Variants in MAP2K5 observed in about 807,000 individuals in gnomAD.
The protein encoded by MAP2K5 is mitogen-activated protein kinase kinase 5, also known as dual specificity mitogen-activated protein kinase kinase 5.
MAP2K5 carries 49 observed loss-of-function variants against 83.1 expected under a neutral mutation model. The ratio of observed to expected loss-of-function variants is 0.59; its 90% CI spans 0.47 to 0.75. The LOEUF (loss-of-function observed/expected upper bound fraction) is 0.75, where lower values mean the gene tolerates loss of function less well. Among genes scored for constraint, MAP2K5 ranks in the 30% least tolerant of loss-of-function variants. The probability of loss-of-function intolerance (pLI) is 0.00; values close to 1 mark genes in which losing one functional copy is unlikely to be tolerated. For missense variants in MAP2K5, 457 were observed against 557.5 expected (o/e 0.82, Z 1.82); for synonymous variants, 202 against 191.8 (o/e 1.05, Z -0.44).
At chr15:67,569,013 AAAAAAAC>A (rs995305345) in intron 3 of MAP2K5, among the ~76,000 whole-genome samples, 2 of 151,396 alleles carry the variant, frequency 1.3e-5, no homozygotes, top group African/African-American at 4.9e-5. Flanking sequence ...CTCAAAAAAA[AAAAAAAC>A]AAAAAAAAAA....
In MAP2K5 at chr15:67,580,739, A is replaced by G. The variant is rs201446724; in HGVS notation, c.253-15A>G. ...ATACATTACTGAGTGATCTCTTTCT[A>G]TAATCTCTTTGCAGTATTATTCCAC... On this transcript the variant is annotated splice_polypyrimidine_tract_variant and intron_variant, in intron 3 of 21. Coordinates refer to ENST00000178640, the MANE Select transcript of MAP2K5 (RefSeq NM_145160.3). The G allele has an allele frequency of 4.0e-5, 61 of 1,520,748 alleles. No individual in the cohort carries two copies. The highest frequency in any genetic ancestry group is 3.6e-4 in the Middle Eastern group (2 of 5,600). The allele number at this position is 1,520,748 out of a possible 1,614,324, so 94.2% of individuals were successfully genotyped here.
chr15:67,804,437 G>C lies in MAP2K5; in HGVS notation c.1243-2209G>C, dbSNP rs116270423. Reference sequence around the variant, plus strand: ...ACATGCCTCAGCAGCAGCAGGAGACGAGGTCACCTCCCAGCTGAGGAGGGC... The same window carrying C: ...ACATGCCTCAGCAGCAGCAGGAGACCAGGTCACCTCCCAGCTGAGGAGGGC... On this transcript the variant is annotated intron_variant, in intron 21 of 21. Transcript: ENST00000178640. Among the ~76,000 whole-genome samples, 309 of 152,314 alleles carry C rather than the reference G, an allele frequency of 2.0e-3. 1 individual carries two copies. Among genetic ancestry groups the C allele is most frequent in the African/African-American group, 7.2e-3 (300 of 41,566 alleles).
In MAP2K5 at chr15:67,793,196, A is replaced by C. The variant is rs1039748399; in HGVS notation, c.1243-13450A>C. 6.6e-6 allele frequency among the ~76,000 whole-genome samples: 1 copy of C among 152,236 alleles called. No homozygotes were observed. Among genetic ancestry groups the C allele is most frequent in the Non-Finnish European group, 1.5e-5 (1 of 68,044 alleles). On this transcript the variant is annotated intron_variant, in intron 21 of 21. Coordinates refer to ENST00000178640, the MANE Select transcript of MAP2K5 (RefSeq NM_145160.3). This position sits in a 1 kb window ranked among gnomAD's most constrained non-coding sequence, Gnocchi z 4.6. ...AACTGAAACAGGATCATCTGAGCCC[A>C]GGAGTTCAAAGGTGTAGTGCGGAAT...
rs376334842 is a variant in MAP2K5, at chr15:67,646,351, C to G, written c.655-37C>G. 32 of 1,426,330 alleles carry G rather than the reference C, an allele frequency of 2.2e-5. No homozygotes were observed. In the African/African-American group the frequency reaches 3.8e-4, roughly 17 times the overall value. 88.4% of individuals were successfully genotyped at this position (1,426,330 alleles called of 1,614,324 possible). ...AAAGCATGCCTATGGTATTGACTTG[C>G]AGGTTTATAACTACTTTTGTCTTAT... On this transcript the variant is annotated intron_variant, in intron 10 of 21. Coordinates refer to ENST00000178640, the MANE Select transcript of MAP2K5 (RefSeq NM_145160.3).
At chr15:67,649,456 G>T (rs2086904199) in intron 11 of MAP2K5, among the ~76,000 whole-genome samples, 1 of 151,794 alleles carries the variant, frequency 6.6e-6, no homozygotes, top group East Asian at 1.9e-4. Context: ...AAGTTTTATT[G>T]TTTTAGCTTT....
chr15:67,727,845 A>G (rs1263168728), intron 16 of MAP2K5, 71 bp from the exon 17 acceptor site: 3 of 1,092,608 alleles, frequency 2.7e-6, no homozygotes, highest in African/African-American at 3.1e-5. Flanking sequence ...GAAATTTAGT[A>G]CTTGTCTGTC....
chr15:67,565,581 T>C lies in MAP2K5; in HGVS notation c.252+2231T>C, dbSNP rs980770656. 6.6e-6 allele frequency among the ~76,000 whole-genome samples: 1 copy of C among 152,180 alleles called. No individual in the cohort carries two copies. The highest frequency in any genetic ancestry group is 2.4e-5 in the African/African-American group (1 of 41,436). On this transcript the variant is annotated intron_variant, in intron 3 of 21. Transcript: ENST00000178640. The surrounding 1 kb of genome is among the most constrained non-coding windows in gnomAD (Gnocchi z 4.1). ...ATTTGGGTTTATATAATACCTTAGT[T>C]GTGATTTCTGCACCATGTATTCCTT... is the stretch of plus-strand genomic sequence containing the variant.
At chr15:67,707,904 C>A (rs568589103) in intron 16 of MAP2K5, among the ~76,000 whole-genome samples, 1 of 152,208 alleles carries the variant, frequency 6.6e-6, no homozygotes, top group East Asian at 1.9e-4. Context: ...TGTGTGCATG[C>A]CTTCTTCAAA....
chr15:67,566,243 C>T (rs760553072), intron 3 of MAP2K5, among the ~76,000 whole-genome samples: 3 of 152,012 alleles, frequency 2.0e-5, no homozygotes, highest in Admixed American at 6.6e-5. Flanking sequence ...AGCCTGATCT[C>T]GGCTCACTGC....
chr15:67,607,936 C>T (rs1000890259), intron 8 of MAP2K5, among the ~76,000 whole-genome samples: 5 of 152,056 alleles, frequency 3.3e-5, no homozygotes, highest in South Asian at 2.1e-4. Flanking sequence ...AAAATCAATA[C>T]GTTATGGTAA....
chr15:67,763,213 G>T (rs1479584147), intron 19 of MAP2K5, among the ~76,000 whole-genome samples: 4 of 152,076 alleles, frequency 2.6e-5, no homozygotes, highest in Non-Finnish European at 1.5e-5. Context: ...ACACCGAGAA[G>T]TAGGTCAGTT....
At chr15:67,743,533 T>C (rs569525339) in intron 17 of MAP2K5, among the ~76,000 whole-genome samples, 1 of 152,328 alleles carries the variant, frequency 6.6e-6, no homozygotes, top group African/African-American at 2.4e-5. Context: ...TTAGCCAGAG[T>C]AAATTTTGTT....
chr15:67,583,156 CAG>C (rs1336362230), intron 4 of MAP2K5, among the ~76,000 whole-genome samples: 1 of 152,174 alleles, frequency 6.6e-6, no homozygotes, highest in Non-Finnish European at 1.5e-5. Flanking sequence ...TAAGTAACTT[CAG>C]AGTCACACAG....
At chr15:67,642,345 A>C (rs1054428913) in intron 9 of MAP2K5, 8 of 1,243,442 alleles carry the variant, frequency 6.4e-6, no homozygotes, top group Non-Finnish European at 8.9e-6. Flanking sequence ...GGGGGATAGA[A>C]AAATGTACAA....
chr15:67,662,563 T>A (rs887587990), intron 12 of MAP2K5, among the ~76,000 whole-genome samples: 2 of 152,138 alleles, frequency 1.3e-5, no homozygotes, highest in African/African-American at 2.4e-5. Context: ...CTCATGTGCA[T>A]ATAGGATCAG....
chr15:67,586,960 G>C, intron 6 of MAP2K5, 47 bp downstream of exon 6: 1 of 1,593,376 alleles, frequency 6.3e-7, no homozygotes, highest in African/African-American at 1.3e-5. Flanking sequence ...TTTATCTACA[G>C]AGTTGGGGTG....
At chr15:67,544,571 G>A (rs2084355962) in intron 1 of MAP2K5, among the ~76,000 whole-genome samples, 1 of 152,202 alleles carries the variant, frequency 6.6e-6, no homozygotes, top group Admixed American at 6.5e-5. Flanking sequence ...TTCCCTACAT[G>A]TTGCAGCCGC....
At chr15:67,737,462 G>A (rs1357838549) in intron 17 of MAP2K5, among the ~76,000 whole-genome samples, 17 of 152,164 alleles carry the variant, frequency 1.1e-4, no homozygotes, top group African/African-American at 1.9e-4. Flanking sequence ...GGATTAATGC[G>A]TGGGAGGTTT....
chr15:67,803,878 G>C lies in MAP2K5; in HGVS notation c.1243-2768G>C, dbSNP rs369388377. On this transcript the variant is annotated intron_variant, in intron 21 of 21. Transcript: ENST00000178640. ...CTCCTCTATCCAGGAAGAGCCCAGGGCAGTGGGTTTGGGTTACAGACTTGT... is the reference window on the plus strand; with the variant it reads ...CTCCTCTATCCAGGAAGAGCCCAGGCCAGTGGGTTTGGGTTACAGACTTGT... 3.9e-5 allele frequency among the ~76,000 whole-genome samples: 6 copies of C among 152,330 alleles called. No individual in the cohort carries two copies. The East Asian group carries it at 9.6e-4, about 24-fold the overall frequency.
Sources: gnomAD v4.1 joint callset for allele counts (sites outside exome capture counted in the v4.1 genomes callset) on GRCh38, gnomAD v4.1.1 for gene constraint, Gnocchi (gnomAD v3.1) non-coding constraint, MANE v1.5 for transcripts, NCBI Gene and HGNC (gene_info 2026-07-23, HGNC 2026-07-21) for gene names.